MSTO1: variants seen among roughly 807,000 people sequenced by gnomAD.
The protein encoded by MSTO1 is misato mitochondrial distribution and morphology regulator 1, also known as protein misato homolog 1.
A neutral mutation model predicts 55.7 loss-of-function variants in MSTO1; 24 were observed. The ratio of observed to expected loss-of-function variants is 0.43; its 90% CI spans 0.31 to 0.61. The LOEUF (loss-of-function observed/expected upper bound fraction) is 0.61, where lower values mean the gene tolerates loss of function less well. MSTO1 is among the 20% of genes least tolerant of loss of function. The probability of loss-of-function intolerance (pLI) is 0.09; values close to 1 mark genes in which losing one functional copy is unlikely to be tolerated. For synonymous variants in MSTO1, 162 were observed against 252.8 expected (o/e 0.64, Z 3.41); for missense variants, 363 against 625.7 (o/e 0.58, Z 4.48).
the MSTO1 span, among the ~76,000 whole-genome samples, chr1:155,597,926 C>T: frequency 6.6e-6 from 1 of 151,976 alleles, no homozygotes; most frequent in Non-Finnish European, 1.5e-5. Flanking sequence ...GAGCGATTCT[C>T]CTGCCTCAGT....
the MSTO1 span, among the ~76,000 whole-genome samples, chr1:155,569,620 G>C: frequency 3.3e-5 from 5 of 151,784 alleles, no homozygotes; most frequent in Non-Finnish European, 7.4e-5. Flanking sequence ...TGTATTTTTA[G>C]TACAGACAGG....
In MSTO1 at chr1:155,611,249, C is replaced by A. The variant is rs1305791267; in HGVS notation, c.324C>A (p.Leu108=). 4 of 1,610,508 alleles carry A rather than the reference C, an allele frequency of 2.5e-6. No homozygotes were observed. The highest frequency in any genetic ancestry group is 3.4e-6 in the Non-Finnish European group (4 of 1,178,904). Reference sequence around the variant, plus strand: ...AGCTCACCACACACAAAGAGGAACTCTATCCCAAGAACCCTTATCTCCAAG... The same window carrying A: ...AGCTCACCACACACAAAGAGGAACTATATCCCAAGAACCCTTATCTCCAAG... ...QGKLTTHKEE[L]YPKNPYLQDF... The change falls in exon 4 of 14, where the codon CTC becomes CTA. Residue 108 remains leucine (L), a synonymous_variant. Coordinates refer to ENST00000245564, the MANE Select transcript of MSTO1 (RefSeq NM_018116.4).
At chr1:155,566,772 C>T in the MSTO1 span, among the ~76,000 whole-genome samples, 2 of 151,974 alleles carry the variant, frequency 1.3e-5, no homozygotes, top group South Asian at 2.1e-4. Context: ...TGTGCCACCA[C>T]GCCTGGCTAA....
chr1:155,583,052 G>A, the MSTO1 span, among the ~76,000 whole-genome samples: 1 of 150,822 alleles, frequency 6.6e-6, no homozygotes, highest in Non-Finnish European at 1.5e-5. Flanking sequence ...AAAAAAAATT[G>A]TAGAGTTGCA....
chr1:155,604,670 C>T, the MSTO1 span, among the ~76,000 whole-genome samples: 5 of 149,684 alleles, frequency 3.3e-5, no homozygotes, highest in African/African-American at 1.2e-4. Context: ...GAGCCCAGGA[C>T]TTCAAAGCCC....
chr1:155,590,772 G>A, the MSTO1 span: 1 of 1,606,326 alleles, frequency 6.2e-7, no homozygotes, highest in Non-Finnish European at 8.5e-7. Flanking sequence ...AGCCCAAGTA[G>A]AGGGAGGCCC....
chr1:155,588,415 A>G, the MSTO1 span, among the ~76,000 whole-genome samples: 1 of 152,018 alleles, frequency 6.6e-6, no homozygotes, highest in Non-Finnish European at 1.5e-5. Flanking sequence ...TTTGTTGGGT[A>G]TTATTATGTG....
the MSTO1 span, among the ~76,000 whole-genome samples, chr1:155,591,654 G>A: frequency 6.6e-6 from 1 of 152,046 alleles, no homozygotes; most frequent in Non-Finnish European, 1.5e-5. Context: ...GCCAGGCGTG[G>A]TGGCGCATGC....
the MSTO1 span, among the ~76,000 whole-genome samples, chr1:155,577,384 G>A: frequency 6.6e-6 from 1 of 152,002 alleles, no homozygotes; most frequent in African/African-American, 2.4e-5. Flanking sequence ...CACCACGCCC[G>A]GCCGCCCCCT....
the MSTO1 span, among the ~76,000 whole-genome samples, chr1:155,570,892 C>A: frequency 1.3e-5 from 2 of 152,166 alleles, no homozygotes; most frequent in Admixed American, 1.3e-4. Context: ...TTCCTTCCTT[C>A]TTGCTTTCTT....
chr1:155,588,162 C>T, the MSTO1 span, among the ~76,000 whole-genome samples: 6 of 145,096 alleles, frequency 4.1e-5, no homozygotes, highest in Non-Finnish European at 6.0e-5. Context: ...TGAGCCGTGA[C>T]TGAGCCACTG....
chr1:155,598,921 A>G, the MSTO1 span: 3 of 1,411,428 alleles, frequency 2.1e-6, no homozygotes, highest in East Asian at 7.0e-5. Context: ...AGATGGTAAG[A>G]ACTTCCTGTC....
the MSTO1 span, among the ~76,000 whole-genome samples, chr1:155,587,985 C>T: frequency 4.0e-5 from 6 of 151,836 alleles, no homozygotes; most frequent in Non-Finnish European, 8.8e-5. Flanking sequence ...GTGGGTGGAT[C>T]ACTTGAGGCC....
chr1:155,605,650 T>C (rs542839196), upstream of MSTO1, among the ~76,000 whole-genome samples: 8 of 152,168 alleles, frequency 5.3e-5, no homozygotes, highest in Non-Finnish European at 1.0e-4. Flanking sequence ...AGGTTTAAAA[T>C]CATGTAGTCA....
chr1:155,573,622 A>C, the MSTO1 span, among the ~76,000 whole-genome samples: 1 of 151,714 alleles, frequency 6.6e-6, no homozygotes, highest in Non-Finnish European at 1.5e-5. Context: ...CTGATCACCT[A>C]AGGTCAGGAG....
the MSTO1 span, among the ~76,000 whole-genome samples, chr1:155,595,270 C>T: frequency 1.3e-5 from 2 of 149,480 alleles, no homozygotes; most frequent in South Asian, 2.1e-4. Flanking sequence ...CTCTGCCTGC[C>T]GGGTTCACTC....
At chr1:155,565,592 C>T in the MSTO1 span, among the ~76,000 whole-genome samples, 1 of 152,102 alleles carries the variant, frequency 6.6e-6, no homozygotes, top group African/African-American at 2.4e-5. Flanking sequence ...AATTTCTCAT[C>T]AGCAGCATAA....
At chr1:155,590,844 C>G in the MSTO1 span, 1 of 1,607,820 alleles carries the variant, frequency 6.2e-7, no homozygotes, top group South Asian at 1.1e-5. Context: ...TGATGGCATG[C>G]GCCGTCCAGC....
the MSTO1 span, among the ~76,000 whole-genome samples, chr1:155,602,911 T>C: frequency 6.6e-6 from 1 of 152,152 alleles, no homozygotes; most frequent in African/African-American, 2.4e-5. Context: ...CTGGTGATTC[T>C]TGGATACCCT....
Sources: allele counts gnomAD v4.1 joint callset (sites outside exome capture counted in the v4.1 genomes callset), GRCh38; gene constraint gnomAD v4.1.1; transcripts MANE v1.5; gene names NCBI Gene and HGNC (gene_info 2026-07-23, HGNC 2026-07-21).